Variants in JADE2 observed in about 807,000 individuals in gnomAD.
JADE2 encodes E3 ubiquitin-protein ligase Jade-2.
JADE2 carries 13 observed loss-of-function variants against 85.7 expected under a neutral mutation model. The observed-to-expected ratio is 0.15, with a 90% CI of 0.10 to 0.24. The LOEUF (loss-of-function observed/expected upper bound fraction) is 0.24, where lower values mean the gene tolerates loss of function less well. Among genes scored for constraint, JADE2 ranks in the 10% least tolerant of loss-of-function variants. The pLI, the probability that JADE2 is intolerant of heterozygous loss-of-function variation, is 1.00. For missense variants in JADE2, 846 were observed against 1,115.9 expected, an observed-to-expected ratio of 0.76 and a Z score of 3.45; for synonymous variants, 440 against 456.1, an observed-to-expected ratio of 0.96 and a Z score of 0.45.
At chr5:134,556,270 G>C (rs1327289441) in intron 4 of JADE2, among the ~76,000 whole-genome samples, 6 of 152,216 alleles carry the variant, frequency 3.9e-5, no homozygotes, top group Non-Finnish European at 8.8e-5. Flanking sequence ...CAACCAGCGG[G>C]GGGTGGGAAG....
intron 1 of JADE2, among the ~76,000 whole-genome samples, chr5:134,530,869 G>T (rs1470000983): frequency 6.6e-6 from 1 of 152,232 alleles, no homozygotes; most frequent in African/African-American, 2.4e-5. Flanking sequence ...AGGCAGGCCA[G>T]CTGGACTGTG....
chr5:134,569,468 T>C (rs1421453815), intron 9 of JADE2, among the ~76,000 whole-genome samples: 3 of 152,228 alleles, frequency 2.0e-5, no homozygotes, highest in South Asian at 2.1e-4. Flanking sequence ...TCGGAAGGCA[T>C]GGCCACTGCA....
chr5:134,530,145 T>C (rs1761139564), intron 1 of JADE2, among the ~76,000 whole-genome samples: 1 of 152,194 alleles, frequency 6.6e-6, no homozygotes, highest in Non-Finnish European at 1.5e-5. Context: ...TAGGAAAGAG[T>C]GGGGCTGTGA....
chr5:134,540,641 G>T (rs187715193), intron 3 of JADE2, among the ~76,000 whole-genome samples: 9 of 152,208 alleles, frequency 5.9e-5, no homozygotes, highest in African/African-American at 2.2e-4. Context: ...AAGAATTGTC[G>T]TGCCCATTTC....
intron 4 of JADE2, among the ~76,000 whole-genome samples, chr5:134,557,438 G>T: frequency 1.6e-5 from 2 of 121,374 alleles, no homozygotes; most frequent in Non-Finnish European, 1.7e-5. Flanking sequence ...GTGCAGGTTT[G>T]TTACATATGT....
intron 9 of JADE2, among the ~76,000 whole-genome samples, chr5:134,567,459 A>C (rs748205095): frequency 1.2e-4 from 18 of 152,284 alleles, no homozygotes; most frequent in Non-Finnish European, 2.2e-4. Context: ...TGAACCCCAC[A>C]GGCTGTTCTG....
chr5:134,528,609 A>G (rs1761034965), intron 1 of JADE2, among the ~76,000 whole-genome samples: 1 of 152,172 alleles, frequency 6.6e-6, no homozygotes, highest in Admixed American at 6.5e-5. Flanking sequence ...TGCATGGTAG[A>G]GGAAGGGATG....
chr5:134,556,207 C>T (rs951385366), intron 4 of JADE2, among the ~76,000 whole-genome samples: 5 of 152,224 alleles, frequency 3.3e-5, no homozygotes, highest in East Asian at 1.9e-4. Context: ...GGGGCCTCCC[C>T]GCCCTGGCAG....
rs1334620937 is a variant in JADE2, at chr5:134,582,903, TTTA to T, written c.*3589_*3591del. The T allele has an allele frequency of 6.5e-6, 1 of 152,676 alleles. No individual in the cohort carries two copies. The highest frequency in any genetic ancestry group is 1.5e-5 in the Non-Finnish European group (1 of 68,046). The allele number at this position is 152,676 out of a possible 1,614,324, so 9.5% of individuals were successfully genotyped here. On this transcript the variant is annotated 3_prime_UTR_variant, in exon 12 of 12. Transcript: ENST00000681547. ...ATTATTTTTGGCTTATGTTGCAATA[TTTA>T]TTTTCTTGTATTAGAAAAGATTCCT...
intron 3 of JADE2, among the ~76,000 whole-genome samples, chr5:134,549,330 C>G (rs376741162): frequency 6.6e-6 from 1 of 152,146 alleles, no homozygotes; most frequent in East Asian, 1.9e-4. Context: ...TCAAGACCAA[C>G]CTGGCCAACA....
intron 1 of JADE2, among the ~76,000 whole-genome samples, chr5:134,533,788 C>T (rs562570417): frequency 2.7e-5 from 4 of 146,926 alleles, no homozygotes; most frequent in Non-Finnish European, 5.9e-5. Flanking sequence ...ACTCTGTCGC[C>T]AAGGCTGGCG....
chr5:134,571,414 C>G (rs764012667), intron 9 of JADE2, among the ~76,000 whole-genome samples: 1 of 152,202 alleles, frequency 6.6e-6, no homozygotes, highest in Non-Finnish European at 1.5e-5. Context: ...AAATCCAGCC[C>G]TGGGCCGGGC....
rs541332602 is a variant in JADE2 at position 134,556,908 on chromosome 5, A to G, written c.312-2922A>G. 1.5e-4 allele frequency among the ~76,000 whole-genome samples: 21 copies of G among 140,458 alleles called. 1 individual carries two copies. The Admixed American group carries it at 1.5e-3, about 10-fold the overall frequency. 92.1% of individuals were successfully genotyped at this position (140,458 alleles called of 152,430 possible). ...ACAAAACACACCCCACACATACCAC[A>G]TGCACACACACACATCACACAGCAC... On this transcript the variant is annotated intron_variant, in intron 4 of 11. Transcript: ENST00000681547.
intron 1 of JADE2, among the ~76,000 whole-genome samples, chr5:134,528,330 T>C (rs1418755154): frequency 1.3e-5 from 2 of 152,154 alleles, no homozygotes; most frequent in Admixed American, 6.5e-5. Flanking sequence ...TCCCCTACCC[T>C]GACTTTCTTT....
intron 1 of JADE2, 37 bp from the exon 2 acceptor site, chr5:134,535,821 C>T (rs1294060137): frequency 1.3e-6 from 2 of 1,595,002 alleles, no homozygotes; most frequent in East Asian, 4.5e-5. Flanking sequence ...ATTTCCCAAG[C>T]CATCCGTGAG....
intron 3 of JADE2, among the ~76,000 whole-genome samples, chr5:134,540,452 T>C (rs1385402946): frequency 6.6e-6 from 1 of 151,230 alleles, no homozygotes; most frequent in Non-Finnish European, 1.5e-5. Context: ...CAGGCTTGTC[T>C]CAAACTCCTG....
chr5:134,565,506 T>C (rs1254799310), intron 8 of JADE2, among the ~76,000 whole-genome samples: 1 of 152,142 alleles, frequency 6.6e-6, no homozygotes, highest in African/African-American at 2.4e-5. Context: ...TCATCAGCCT[T>C]TCTCTTGATG....
chr5:134,543,548 A>C (rs1762109026), intron 3 of JADE2, among the ~76,000 whole-genome samples: 2 of 152,002 alleles, frequency 1.3e-5, no homozygotes, highest in African/African-American at 4.8e-5. Flanking sequence ...ATGGTGATGC[A>C]CACCTGTAAT....
At chr5:134,550,385 G>A in intron 3 of JADE2, among the ~76,000 whole-genome samples, 1 of 152,192 alleles carries the variant, frequency 6.6e-6, no homozygotes, top group East Asian at 1.9e-4. Flanking sequence ...AGATTCAAAT[G>A]AGGTGCACAT....
Sources: allele counts gnomAD v4.1 joint callset (sites outside exome capture counted in the v4.1 genomes callset), GRCh38; gene constraint gnomAD v4.1.1; transcripts MANE v1.5; gene names NCBI Gene and HGNC (gene_info 2026-07-23, HGNC 2026-07-21).